Variants in VPS8 observed in about 807,000 individuals in gnomAD.
VPS8 encodes vacuolar protein sorting-associated protein 8 homolog.
In VPS8, 129 loss-of-function variants were observed where a neutral mutation model predicts 216.4. The observed-to-expected ratio is 0.60, with a 90% CI of 0.52 to 0.69. VPS8 has a LOEUF of 0.69. Ranked by LOEUF, VPS8 falls within the 30% of genes least tolerant of loss-of-function variation. The pLI is 0.00. For synonymous variants in VPS8, 571 were observed against 565.4 expected (o/e 1.01, Z -0.14); for missense variants, 1,531 against 1,683.5 (o/e 0.91, Z 1.59).
intron 25 of VPS8, among the ~76,000 whole-genome samples, chr3:184,902,294 G>C (rs1249457737): frequency 1.3e-5 from 2 of 151,640 alleles, no homozygotes; most frequent in African/African-American, 4.8e-5. Flanking sequence ...TGGCCAATAT[G>C]GTGAAACCCC....
chr3:185,043,745 A>G (rs935777557), intron 46 of VPS8, among the ~76,000 whole-genome samples: 9 of 152,180 alleles, frequency 5.9e-5, no homozygotes, highest in African/African-American at 1.7e-4. Flanking sequence ...TATACTTTAT[A>G]GAATGATGGG....
chr3:184,832,260 T>C (rs1172775375), intron 3 of VPS8, among the ~76,000 whole-genome samples: 1 of 152,198 alleles, frequency 6.6e-6, no homozygotes, highest in Non-Finnish European at 1.5e-5. Context: ...AATGCCTTTC[T>C]GCACTGTTTC....
intron 46 of VPS8, among the ~76,000 whole-genome samples, chr3:185,024,729 G>A (rs1374541656): frequency 6.6e-6 from 1 of 152,114 alleles, no homozygotes; most frequent in Non-Finnish European, 1.5e-5. Context: ...TCGACTGGGT[G>A]CAGAGGCTCA....
At chr3:184,849,001 G>A (rs1367453276) in intron 8 of VPS8, 70 bp from the exon 9 acceptor site, 1 of 1,547,056 alleles carries the variant, frequency 6.5e-7, no homozygotes, top group Non-Finnish European at 8.9e-7. Context: ...GTCTTTGAAA[G>A]CATGCCTGTA....
intron 45 of VPS8, among the ~76,000 whole-genome samples, chr3:185,012,008 A>G (rs113619901): frequency 1.3e-5 from 2 of 152,140 alleles, no homozygotes; most frequent in Non-Finnish European, 2.9e-5. Flanking sequence ...GAGCTAAAAA[A>G]CATATCTAAA....
Position 185,030,545 on chromosome 3 carries a change from C to T in VPS8, c.4056+6156C>T, listed in dbSNP as rs930626295. Among the ~76,000 whole-genome samples, 6 of 152,148 alleles carry T rather than the reference C, an allele frequency of 3.9e-5. No individual in the cohort carries two copies. The South Asian group carries it at 8.3e-4, about 21-fold the overall frequency. On this transcript the variant is annotated intron_variant, in intron 46 of 47. Transcript: ENST00000625842. ...GCACAGGGAATGAGAGAGTGGAAAG[C>T]CTTTCCAATAGTTCTGTGAGTCCAT...
At chr3:184,950,845 GT>G (rs1461117748) in intron 36 of VPS8, among the ~76,000 whole-genome samples, 3 of 152,132 alleles carry the variant, frequency 2.0e-5, no homozygotes, top group African/African-American at 7.2e-5. Context: ...GTGTTAGTTT[GT>G]TAAGCATGAT....
rs1005360677 is a variant in VPS8 at position 185,052,241 on chromosome 3, A to G, written c.*216A>G. ...GTCATGGCGTCAGTTCACCAGACTC[A>G]TTGATTTTGTTTTGCTTGTTAAGCA... On this transcript the variant is annotated 3_prime_UTR_variant, in exon 48 of 48. Coordinates refer to ENST00000625842, the MANE Select transcript of VPS8 (RefSeq NM_001009921.3). 1.2e-4 allele frequency: 57 copies of G among 464,782 alleles called. No individual in the cohort carries two copies. Among genetic ancestry groups the G allele is most frequent in the Admixed American group, 1.2e-3 (27 of 23,258 alleles). The allele number at this position is 464,782 out of a possible 1,614,324, so 28.8% of individuals were successfully genotyped here.
At chr3:185,018,973 T>C (rs1480062619) in intron 45 of VPS8, among the ~76,000 whole-genome samples, 1 of 152,098 alleles carries the variant, frequency 6.6e-6, no homozygotes, top group Non-Finnish European at 1.5e-5. Flanking sequence ...AATGAGGGGG[T>C]GTAGAAGGGT....
intron 45 of VPS8, among the ~76,000 whole-genome samples, chr3:185,017,434 C>T (rs1353651974): frequency 6.6e-6 from 1 of 152,072 alleles, no homozygotes; most frequent in Non-Finnish European, 1.5e-5. Context: ...TTTGTGCTTC[C>T]AAATCCTCCT....
chr3:184,878,260 G>A (rs1216944022), intron 21 of VPS8, among the ~76,000 whole-genome samples: 1 of 151,846 alleles, frequency 6.6e-6, no homozygotes, highest in Non-Finnish European at 1.5e-5. Flanking sequence ...ACAGGTGCCC[G>A]CCACCACACC....
chr3:184,973,811 C>T (rs1457660642), intron 40 of VPS8, among the ~76,000 whole-genome samples: 2 of 152,120 alleles, frequency 1.3e-5, no homozygotes, highest in African/African-American at 2.4e-5. Flanking sequence ...TCTTTCTGTG[C>T]ATGGCTTATT....
chr3:184,955,409 A>G (rs539881931), intron 36 of VPS8, among the ~76,000 whole-genome samples: 4 of 152,116 alleles, frequency 2.6e-5, no homozygotes, highest in Admixed American at 6.5e-5. Flanking sequence ...TGCGGTGGCT[A>G]CCTAAAAGGG....
At chr3:184,843,179 T>A in intron 7 of VPS8, 61 bp from the exon 8 acceptor site, 1 of 1,323,568 alleles carries the variant, frequency 7.6e-7, no homozygotes, top group Non-Finnish European at 1.0e-6. Flanking sequence ...TTCTTCGAAC[T>A]TTTGAACTGA....
chr3:184,999,214 C>T (rs1400955727), intron 44 of VPS8, among the ~76,000 whole-genome samples: 8 of 152,168 alleles, frequency 5.3e-5, no homozygotes, highest in Admixed American at 1.3e-4. Context: ...CCTGCCACCA[C>T]GTCCAGCTAA....
chr3:184,996,650 G>C (rs1752655101), intron 44 of VPS8, 149 bp downstream of exon 44: 4 of 891,276 alleles, frequency 4.5e-6, no homozygotes, highest in Non-Finnish European at 3.3e-6. Flanking sequence ...TTCTGCATTG[G>C]GGTGGAGGTT....
At chr3:185,001,927 T>A (rs184388204) in intron 45 of VPS8, among the ~76,000 whole-genome samples, 1 of 152,352 alleles carries the variant, frequency 6.6e-6, no homozygotes, top group East Asian at 1.9e-4. Context: ...TGAACTATGC[T>A]GTAAGTACAG....
intron 37 of VPS8, among the ~76,000 whole-genome samples, chr3:184,959,995 C>G (rs570764010): frequency 1.1e-4 from 17 of 152,200 alleles, no homozygotes; most frequent in Middle Eastern, 3.4e-3. Context: ...CCACTCCCCC[C>G]ACCCCACAAC....
intron 36 of VPS8, among the ~76,000 whole-genome samples, chr3:184,949,522 C>T (rs1040072932): frequency 1.6e-4 from 24 of 151,784 alleles, no homozygotes; most frequent in Admixed American, 1.6e-3. Context: ...TGCGGAAATA[C>T]TGTTAGCTAT....
Sources: allele counts gnomAD v4.1 joint callset (sites outside exome capture counted in the v4.1 genomes callset), GRCh38; gene constraint gnomAD v4.1.1; transcripts MANE v1.5; gene names NCBI Gene and HGNC (gene_info 2026-07-23, HGNC 2026-07-21).